The following IFT80 variants were observed in gnomAD, a reference collection of about 807,000 sequenced individuals.
The protein encoded by IFT80 is intraflagellar transport 80.
IFT80 carries 79 observed loss-of-function variants against 107.9 expected under a neutral mutation model. The ratio of observed to expected loss-of-function variants is 0.73; its 90% CI spans 0.61 to 0.88. The LOEUF is 0.88. Among genes scored for constraint, IFT80 ranks in the 40% least tolerant of loss-of-function variants. The pLI is 0.00. For missense variants in IFT80, 797 were observed against 914.2 expected (o/e 0.87, Z 1.65); for synonymous variants, 299 against 300.9 (o/e 0.99, Z 0.07).
In IFT80 at chr3:160,366,081, T is replaced by C. The variant is rs140163837; in HGVS notation, c.511A>G (p.Ile171Val). ...KVLYTAGKQLIIKPLQPNAKV... is the reference protein window; with the variant it reads ...KVLYTAGKQLVIKPLQPNAKV... ...GCATTTGGTTGAAGAGGTTTAATGA[T>C]TAGCTGCTTGCCTGCTGTATAAAGA... Residue 171 changes from isoleucine (I) to valine (V), a missense_variant, in exon 6 of 20, where the codon ATC becomes GTC. Physicochemically the swap from Ile to Val is conservative, Grantham distance 29. Transcript: ENST00000326448. 5.1e-5 allele frequency: 82 copies of C among 1,612,740 alleles called. No homozygotes were observed. The highest frequency in any genetic ancestry group is 5.0e-5 in the Admixed American group (3 of 59,894).
chr3:160,394,409 G>C (rs1240256632), intron 1 of IFT80: 1 of 152,176 alleles, frequency 6.6e-6, no homozygotes, highest in Non-Finnish European at 1.5e-5. Flanking sequence ...GCCGCATGTG[G>C]CCCATGGATC....
intron 8 of IFT80, among the ~76,000 whole-genome samples, chr3:160,347,748 TAA>T (rs1720397126): frequency 6.6e-6 from 1 of 152,186 alleles, no homozygotes; most frequent in Non-Finnish European, 1.5e-5. Flanking sequence ...TCTCCATTTT[TAA>T]AGAGTTGAGG....
chr3:160,354,956 T>A (rs1334805614), intron 8 of IFT80, among the ~76,000 whole-genome samples: 2 of 152,192 alleles, frequency 1.3e-5, no homozygotes, highest in Admixed American at 1.3e-4. Context: ...GCTCTAAAAA[T>A]TCTGTCTTAT....
intron 1 of IFT80, among the ~76,000 whole-genome samples, chr3:160,396,667 GAAGAT>G (rs992497206): frequency 6.6e-6 from 1 of 152,114 alleles, no homozygotes; most frequent in African/African-American, 2.4e-5. Flanking sequence ...TTTAGACTAG[GAAGAT>G]AAGACCCAGT....
chr3:160,290,435 AAAG>A (rs1326481744), intron 12 of IFT80, among the ~76,000 whole-genome samples: 1 of 151,874 alleles, frequency 6.6e-6, no homozygotes, highest in African/African-American at 2.4e-5. Context: ...GAAAAAAAAA[AAAG>A]AAAAAAGAAA....
intron 8 of IFT80, among the ~76,000 whole-genome samples, chr3:160,326,397 T>C (rs112119842): frequency 5.6e-4 from 85 of 152,154 alleles, no homozygotes; most frequent in African/African-American, 2.0e-3. Context: ...GGCCAATATC[T>C]TTGATGACCA....
chr3:160,347,743 A>C (rs1481858370), intron 8 of IFT80, among the ~76,000 whole-genome samples: 1 of 152,194 alleles, frequency 6.6e-6, no homozygotes, highest in Non-Finnish European at 1.5e-5. Context: ...CTTCTTCTCC[A>C]TTTTTAAAGA....
At chr3:160,308,755 C>T (rs1298556554) in intron 9 of IFT80, among the ~76,000 whole-genome samples, 11 of 152,158 alleles carry the variant, frequency 7.2e-5, no homozygotes, top group Admixed American at 2.0e-4. Flanking sequence ...GCCTACTAGG[C>T]ATTGCCATGA....
chr3:160,372,988 A>T (rs186714076), intron 5 of IFT80, among the ~76,000 whole-genome samples: 2 of 152,328 alleles, frequency 1.3e-5, no homozygotes, highest in East Asian at 1.9e-4. Flanking sequence ...ACCAGAATGT[A>T]AACACTGAAA....
At chr3:160,336,493 A>T (rs1719472101) in intron 8 of IFT80, among the ~76,000 whole-genome samples, 1 of 151,984 alleles carries the variant, frequency 6.6e-6, no homozygotes, top group Non-Finnish European at 1.5e-5. Context: ...AATAAGTCTA[A>T]CTTCTATTCC....
intron 5 of IFT80, among the ~76,000 whole-genome samples, chr3:160,375,121 T>G (rs368959371): frequency 6.6e-6 from 1 of 152,140 alleles, no homozygotes; most frequent in Non-Finnish European, 1.5e-5. Context: ...AGTCAGCAAG[T>G]TTTTTGGCAA....
intron 12 of IFT80, among the ~76,000 whole-genome samples, chr3:160,296,918 C>G (rs1576768692): frequency 6.6e-6 from 1 of 152,142 alleles, no homozygotes; most frequent in East Asian, 1.9e-4. Context: ...ATTCCTCATT[C>G]TTCTTTGCTA....
At position 160,352,290 on chromosome 3, in the gene IFT80, G is replaced by A. The variant is rs570606666; in HGVS notation, c.777+3723C>T. ...ATTACAGGCGTGAGCCACCACGCCC[G>A]GCCCCCAACAGTAATTTTAAATGAA... On this transcript the variant is annotated intron_variant, in intron 8 of 19. Transcript: ENST00000326448. Among the ~76,000 whole-genome samples the A allele has an allele frequency of 5.9e-5, 9 of 152,196 alleles. No homozygotes were observed. In the South Asian group the frequency reaches 8.3e-4, roughly 14 times the overall value.
intron 8 of IFT80, among the ~76,000 whole-genome samples, chr3:160,351,447 C>G (rs910693519): frequency 6.7e-5 from 10 of 148,798 alleles, no homozygotes; most frequent in African/African-American, 2.2e-4. Flanking sequence ...AATCCTAAAA[C>G]TGGAATTGCT....
intron 14 of IFT80, 77 bp downstream of exon 14, chr3:160,282,401 A>G: frequency 3.0e-6 from 3 of 1,016,516 alleles, no homozygotes; most frequent in Admixed American, 2.4e-5. Context: ...ACATTTCCAG[A>G]TTCATTCAAA....
chr3:160,258,380 G>T lies in IFT80; in HGVS notation c.*145C>A. ...CAATTACTTTGTGTTTCATCTTTCT[G>T]CATGTACTTTTACACTAAATACACA... On this transcript the variant is annotated 3_prime_UTR_variant, in exon 20 of 20. Transcript: ENST00000326448. 1.1e-6 allele frequency: 1 copy of T among 945,878 alleles called. No individual in the cohort carries two copies. Among genetic ancestry groups the T allele is most frequent in the South Asian group, 1.5e-5 (1 of 65,074 alleles). 58.6% of individuals were successfully genotyped at this position (945,878 alleles called of 1,614,324 possible). A position where few individuals can be genotyped will look rare whatever the true frequency, so the allele number is the denominator to read the frequency against.
chr3:160,295,930 G>A (rs1715942981), intron 12 of IFT80, among the ~76,000 whole-genome samples: 1 of 152,126 alleles, frequency 6.6e-6, no homozygotes, highest in Non-Finnish European at 1.5e-5. Context: ...CCACCTATAT[G>A]AGGTATACTA....
intron 11 of IFT80, among the ~76,000 whole-genome samples, chr3:160,301,525 A>G (rs1051791591): frequency 2.6e-5 from 4 of 152,006 alleles, no homozygotes; most frequent in Non-Finnish European, 5.9e-5. Flanking sequence ...AGTGAAAATG[A>G]CTAAAAAAAT....
intron 9 of IFT80, among the ~76,000 whole-genome samples, chr3:160,315,399 T>C (rs1367387835): frequency 6.6e-6 from 1 of 152,154 alleles, no homozygotes; most frequent in Non-Finnish European, 1.5e-5. Context: ...TGTTTTAGGG[T>C]AAAGATCTTG....
Sources: allele counts gnomAD v4.1 joint callset (sites outside exome capture counted in the v4.1 genomes callset), GRCh38; gene constraint gnomAD v4.1.1; transcripts MANE v1.5; gene names NCBI Gene and HGNC (gene_info 2026-07-23, HGNC 2026-07-21).